Variants in CHST11 observed in about 807,000 individuals in gnomAD.
CHST11 encodes C4S-1.
In CHST11, 9 loss-of-function variants were observed where a neutral mutation model predicts 30.4. The observed-to-expected ratio is 0.30, with a 90% confidence interval of 0.18 to 0.52. The LOEUF is 0.52. CHST11 is among the 20% of genes least tolerant of loss of function. CHST11 has a pLI of 0.97. For missense variants in CHST11, 348 were observed against 460.6 expected (o/e 0.76, Z 2.24); for synonymous variants, 152 against 187.8 (o/e 0.81, Z 1.56).
At chr12:104,594,354 A>G (rs150476343) in intron 1 of CHST11, among the ~76,000 whole-genome samples, 1 of 152,370 alleles carries the variant, frequency 6.6e-6, no homozygotes, top group Admixed American at 6.5e-5. Flanking sequence ...TTGAAATAAA[A>G]TGAAATCTCA....
rs981691826 is a variant in CHST11 at position 104,497,298 on chromosome 12, G to T, written c.118+39769G>T. ...TCTGCCTGGTATTCTTGTAAGAAGAGAAAATTTGGATGCACGGAGGCACCA... is the reference window on the plus strand; with the variant it reads ...TCTGCCTGGTATTCTTGTAAGAAGATAAAATTTGGATGCACGGAGGCACCA... On this transcript the variant is annotated intron_variant, in intron 1 of 2. Coordinates refer to ENST00000303694, the MANE Select transcript of CHST11 (RefSeq NM_018413.6). Among the ~76,000 whole-genome samples, 5 of 152,302 alleles carry T rather than the reference G, an allele frequency of 3.3e-5. No homozygotes were observed. In the East Asian group the frequency reaches 5.8e-4, roughly 18 times the overall value.
intron 1 of CHST11, among the ~76,000 whole-genome samples, chr12:104,548,525 A>G (rs1043182944): frequency 6.6e-6 from 1 of 152,214 alleles, no homozygotes. Context: ...AAGAAAATTT[A>G]TTATTAAAAT....
intron 1 of CHST11, among the ~76,000 whole-genome samples, chr12:104,527,179 G>A (rs2038134551): frequency 6.6e-6 from 1 of 152,164 alleles, no homozygotes; most frequent in Admixed American, 6.5e-5. Context: ...CATTAGGGTG[G>A]ATACTAATCC....
intron 1 of CHST11, among the ~76,000 whole-genome samples, chr12:104,576,088 A>G (rs1481794929): frequency 6.6e-6 from 1 of 151,942 alleles, no homozygotes; most frequent in East Asian, 2.0e-4. Flanking sequence ...CAAGTACAGT[A>G]TATCCATGTC....
intron 1 of CHST11, among the ~76,000 whole-genome samples, chr12:104,507,847 A>G (rs867050132): frequency 6.6e-6 from 1 of 151,984 alleles, no homozygotes; most frequent in Non-Finnish European, 1.5e-5. Context: ...GCCCCCCACC[A>G]TGTTTGCTGC....
chr12:104,559,517 T>C (rs1342816190), intron 1 of CHST11, among the ~76,000 whole-genome samples: 4 of 152,084 alleles, frequency 2.6e-5, no homozygotes, highest in African/African-American at 9.7e-5. Context: ...CCAAGGCAGG[T>C]GAATCACCTA....
chr12:104,753,897 C>T (rs777100782), intron 2 of CHST11, among the ~76,000 whole-genome samples: 4 of 152,068 alleles, frequency 2.6e-5, no homozygotes, highest in Non-Finnish European at 4.4e-5. Context: ...AACAAGGCAT[C>T]GGAGTGAGGA....
intron 2 of CHST11, among the ~76,000 whole-genome samples, chr12:104,656,410 T>C (rs12230909): frequency 0.092 from 13,931 of 152,242 alleles, 694 homozygotes; most frequent in Non-Finnish European, 0.11. Context: ...CCTGGGTCTG[T>C]CTTCACAGAC....
At chr12:104,626,499 C>T (rs969345832) in intron 2 of CHST11, among the ~76,000 whole-genome samples, 2 of 147,202 alleles carry the variant, frequency 1.4e-5, no homozygotes, top group Non-Finnish European at 3.0e-5. Context: ...GGGCAGAGCA[C>T]ATGAAATCAT....
At chr12:104,556,216 G>A (rs1055899846) in intron 1 of CHST11, among the ~76,000 whole-genome samples, 3 of 147,438 alleles carry the variant, frequency 2.0e-5, no homozygotes, top group Non-Finnish European at 4.4e-5. Context: ...GTGGGGCCCT[G>A]TGGGACCCCA....
In CHST11 at chr12:104,491,473, C is replaced by CT. The variant is rs796069866; in HGVS notation, c.118+33953dup. ...CTTCTTCTTCTTCTTCTTTTCTTTT[C>CT]TTTTTTTTTAGTATTATGGGGATCT... On this transcript the variant is annotated intron_variant, in intron 1 of 2. Coordinates refer to ENST00000303694, the MANE Select transcript of CHST11 (RefSeq NM_018413.6). Among the ~76,000 whole-genome samples the CT allele has an allele frequency of 3.3e-3, 503 of 150,166 alleles. 3 individuals carry two copies. The highest frequency in any genetic ancestry group is 0.011 in the African/African-American group (443 of 40,580).
At chr12:104,573,195 C>A (rs192447010) in intron 1 of CHST11, among the ~76,000 whole-genome samples, 1 of 152,056 alleles carries the variant, frequency 6.6e-6, no homozygotes, top group South Asian at 2.1e-4. Flanking sequence ...AACCGCTGCT[C>A]AATGAAATAA....
intron 1 of CHST11, among the ~76,000 whole-genome samples, chr12:104,580,996 C>T (rs1221889767): frequency 6.6e-6 from 1 of 152,172 alleles, no homozygotes; most frequent in African/African-American, 2.4e-5. Flanking sequence ...GAGATCAGGA[C>T]AAAGTGAAAG....
intron 2 of CHST11, among the ~76,000 whole-genome samples, chr12:104,730,976 A>G (rs2040252339): frequency 6.6e-6 from 1 of 152,208 alleles, no homozygotes. Flanking sequence ...GAGGATGCCC[A>G]TCTTACCTTC....
chr12:104,598,532 G>A (rs1219719305), intron 1 of CHST11, among the ~76,000 whole-genome samples: 1 of 152,164 alleles, frequency 6.6e-6, no homozygotes, highest in African/African-American at 2.4e-5. Context: ...TTATTAAAAT[G>A]CAGATTCCTG....
chr12:104,528,468 T>G (rs2038149432), intron 1 of CHST11, among the ~76,000 whole-genome samples: 1 of 152,176 alleles, frequency 6.6e-6, no homozygotes. Flanking sequence ...CACTCTTCAT[T>G]TGCAAACGTA....
At chr12:104,682,828 A>T (rs2039810756) in intron 2 of CHST11, among the ~76,000 whole-genome samples, 1 of 152,198 alleles carries the variant, frequency 6.6e-6, no homozygotes, top group Non-Finnish European at 1.5e-5. Flanking sequence ...AAGCACTGAG[A>T]ATCAGGTTCC....
rs1020259014 is a variant in CHST11 at position 104,759,531 on chromosome 12, G to A, written c.*1728G>A. ...TTTTGTTTTTGATGCCGTATATAGT[G>A]AAGGGGTGAGGATATTCTAAACAAA... On this transcript the variant is annotated 3_prime_UTR_variant, in exon 3 of 3. Coordinates refer to ENST00000303694, the MANE Select transcript of CHST11 (RefSeq NM_018413.6). 2.0e-5 allele frequency: 3 copies of A among 152,172 alleles called. No homozygotes were observed. The highest frequency in any genetic ancestry group is 2.9e-5 in the Non-Finnish European group (2 of 68,044). 9.4% of individuals were successfully genotyped at this position (152,172 alleles called of 1,614,324 possible). A position where few individuals can be genotyped will look rare whatever the true frequency, so the allele number is the denominator to read the frequency against.
intron 1 of CHST11, among the ~76,000 whole-genome samples, chr12:104,460,290 G>C (rs2037394932): frequency 6.6e-6 from 1 of 152,118 alleles, no homozygotes; most frequent in Non-Finnish European, 1.5e-5. Flanking sequence ...ACCTACATGT[G>C]AAATAGAAAA....
Sources: allele counts gnomAD v4.1 joint callset (sites outside exome capture counted in the v4.1 genomes callset), GRCh38; gene constraint gnomAD v4.1.1; transcripts MANE v1.5; gene names NCBI Gene and HGNC (gene_info 2026-07-23, HGNC 2026-07-21).